Variants in XPR1 observed in about 807,000 individuals in gnomAD.
XPR1 encodes solute carrier family 53 member 1.
A neutral mutation model predicts 87.5 loss-of-function variants in XPR1; 28 were observed. The observed-to-expected ratio is 0.32, with a 90% CI of 0.24 to 0.44. The LOEUF is 0.44. Among genes scored for constraint, XPR1 ranks in the 20% least tolerant of loss-of-function variants. The probability of loss-of-function intolerance (pLI) is 1.00; values close to 1 mark genes in which losing one functional copy is unlikely to be tolerated. For synonymous variants in XPR1, 300 were observed against 306.1 expected (o/e 0.98, Z 0.21); for missense variants, 559 against 862.3 (o/e 0.65, Z 4.41).
At chr1:180,644,372 C>G (rs1655044854) in intron 1 of XPR1, among the ~76,000 whole-genome samples, 3 of 147,984 alleles carry the variant, frequency 2.0e-5, no homozygotes, top group South Asian at 4.3e-4. Context: ...TTTTCCTATA[C>G]TTTTAATGTT....
rs1653091919 is a variant in XPR1, at chr1:180,888,642, A to G, written c.*4576A>G. ...TTTGTTCATATTCTTTTTCTGAGTG[A>G]TCTAAATTTTTCTTGCTTGTGATCA... is the stretch of plus-strand genomic sequence containing the variant. On this transcript the variant is annotated 3_prime_UTR_variant, in exon 15 of 15. Coordinates refer to ENST00000367590, the MANE Select transcript of XPR1 (RefSeq NM_004736.4). The G allele has an allele frequency of 2.0e-5, 3 of 151,896 alleles. No homozygotes were observed. The South Asian group carries it at 6.3e-4, about 32-fold the overall frequency. The allele number at this position is 151,896 out of a possible 1,614,324, so 9.4% of individuals were successfully genotyped here.
At chr1:180,687,051 A>G (rs1397726289) in intron 2 of XPR1, among the ~76,000 whole-genome samples, 3 of 152,134 alleles carry the variant, frequency 2.0e-5, no homozygotes, top group Non-Finnish European at 4.4e-5. Context: ...GTTATCTTTT[A>G]TTTTATATGC....
chr1:180,804,008 CAG>C (rs1050452686), intron 4 of XPR1, among the ~76,000 whole-genome samples: 1 of 147,804 alleles, frequency 6.8e-6, no homozygotes, highest in Non-Finnish European at 1.5e-5. Context: ...TTTTTTGAAA[CAG>C]AGTCTCACTG....
chr1:180,678,015 T>G (rs1216927225), intron 1 of XPR1, among the ~76,000 whole-genome samples: 1 of 152,228 alleles, frequency 6.6e-6, no homozygotes, highest in African/African-American at 2.4e-5. Context: ...GATAATTTGC[T>G]AGAACTACCC....
intron 2 of XPR1, among the ~76,000 whole-genome samples, chr1:180,729,234 G>T (rs1658472048): frequency 6.6e-6 from 1 of 152,148 alleles, no homozygotes; most frequent in Non-Finnish European, 1.5e-5. Flanking sequence ...TTAAAATCCA[G>T]TATACCATTG....
chr1:180,657,776 T>C (rs1458181039), intron 1 of XPR1, among the ~76,000 whole-genome samples: 1 of 152,200 alleles, frequency 6.6e-6, no homozygotes, highest in Non-Finnish European at 1.5e-5. Flanking sequence ...TCTGAGTCTT[T>C]TATGGTTTCA....
chr1:180,740,174 T>C (rs1362258354), intron 2 of XPR1, among the ~76,000 whole-genome samples: 12 of 152,180 alleles, frequency 7.9e-5, no homozygotes, highest in Non-Finnish European at 1.5e-5. Context: ...CTTTGTCTTA[T>C]ATTATTGCAC....
In XPR1 at chr1:180,874,678, A is replaced by C. The variant is rs370561034; in HGVS notation, c.1808+736A>C. ...GCACTCCAACCTGGGCAACAAGAGC[A>C]AAACTCCGTCTCAAAAAAAAAAGTG... On this transcript the variant is annotated intron_variant, in intron 13 of 14. Coordinates refer to ENST00000367590, the MANE Select transcript of XPR1 (RefSeq NM_004736.4). Among the ~76,000 whole-genome samples the C allele has an allele frequency of 2.6e-5, 4 of 152,274 alleles. No individual in the cohort carries two copies. The East Asian group carries it at 5.8e-4, about 22-fold the overall frequency.
intron 2 of XPR1, among the ~76,000 whole-genome samples, chr1:180,696,190 GTGTGTGTGTGTGTGTGTGTA>G (rs1320752877): frequency 1.1e-3 from 117 of 110,678 alleles, no homozygotes; most frequent in Non-Finnish European, 1.6e-3. Context: ...GTGTGTGTGT[GTGTGTGTGTGTGTGTGTGTA>G]TATATATATA....
intron 10 of XPR1, among the ~76,000 whole-genome samples, chr1:180,835,501 C>G (rs971429605): frequency 1.3e-5 from 2 of 152,002 alleles, no homozygotes; most frequent in East Asian, 3.9e-4. Context: ...TTCGCACCCC[C>G]CCCTTAGTTT....
At chr1:180,656,614 A>T (rs1168042039) in intron 1 of XPR1, among the ~76,000 whole-genome samples, 2 of 57,108 alleles carry the variant, frequency 3.5e-5, no homozygotes, top group African/African-American at 1.8e-4. Flanking sequence ...TGTATGTATA[A>T]TATATTTTAT....
intron 2 of XPR1, among the ~76,000 whole-genome samples, chr1:180,708,054 C>G (rs1657618343): frequency 6.6e-6 from 1 of 152,018 alleles, no homozygotes; most frequent in African/African-American, 2.4e-5. Flanking sequence ...TATTTAGGCA[C>G]AATATTCGGC....
chr1:180,734,133 A>T (rs1342917513), intron 2 of XPR1, among the ~76,000 whole-genome samples: 1 of 152,162 alleles, frequency 6.6e-6, no homozygotes, highest in African/African-American at 2.4e-5. Flanking sequence ...TTATACTTAC[A>T]GGTTACTGAA....
chr1:180,674,477 T>G (rs1471598639), intron 1 of XPR1, among the ~76,000 whole-genome samples: 1 of 152,174 alleles, frequency 6.6e-6, no homozygotes, highest in African/African-American at 2.4e-5. Flanking sequence ...AAGGCTGGTC[T>G]TGAACTCCTG....
At chr1:180,881,854 C>T (rs1339077873) in intron 14 of XPR1, among the ~76,000 whole-genome samples, 1 of 151,960 alleles carries the variant, frequency 6.6e-6, no homozygotes, top group African/African-American at 2.4e-5. Flanking sequence ...GGAACAAACA[C>T]AGACAAGAGA....
At chr1:180,710,884 A>G (rs1424383982) in intron 2 of XPR1, among the ~76,000 whole-genome samples, 1 of 149,854 alleles carries the variant, frequency 6.7e-6, no homozygotes, top group African/African-American at 2.5e-5. Context: ...GCTGCCCCCC[A>G]CCTCCCAGAC....
intron 1 of XPR1, among the ~76,000 whole-genome samples, chr1:180,657,806 T>C (rs1033416214): frequency 2.0e-5 from 3 of 152,176 alleles, no homozygotes; most frequent in African/African-American, 7.2e-5. Flanking sequence ...TAGGATTTTT[T>C]TTCTATTTCT....
intron 9 of XPR1, among the ~76,000 whole-genome samples, chr1:180,831,362 C>CT (rs753235095): frequency 8.7e-6 from 1 of 115,484 alleles, no homozygotes; most frequent in African/African-American, 3.1e-5. Flanking sequence ...TTTTCTTTTT[C>CT]TTTTTTTTTT....
At chr1:180,775,888 A>C (rs530983886) in intron 2 of XPR1, among the ~76,000 whole-genome samples, 2 of 152,196 alleles carry the variant, frequency 1.3e-5, no homozygotes, top group Non-Finnish European at 2.9e-5. Context: ...ATTCATTTAC[A>C]TATGTACTAA....
Sources: gnomAD v4.1 joint callset for allele counts (sites outside exome capture counted in the v4.1 genomes callset) on GRCh38, gnomAD v4.1.1 for gene constraint, MANE v1.5 for transcripts, NCBI Gene and HGNC (gene_info 2026-07-23, HGNC 2026-07-21) for gene names.